Variants in ANAPC7 observed in about 807,000 individuals in gnomAD.
The protein encoded by ANAPC7 is anaphase-promoting complex subunit 7.
In ANAPC7, 25 loss-of-function variants were observed where a neutral mutation model predicts 63.3. The ratio of observed to expected loss-of-function variants is 0.39; its 90% confidence interval spans 0.29 to 0.55. ANAPC7 has a LOEUF of 0.55. Ranked by LOEUF, ANAPC7 falls within the 20% of genes least tolerant of loss-of-function variation. The pLI, the probability that ANAPC7 is intolerant of heterozygous loss-of-function variation, is 0.57. For missense variants in ANAPC7, 516 were observed against 691.7 expected, an observed-to-expected ratio of 0.75 and a Z score of 2.85; for synonymous variants, 241 against 251.7, an observed-to-expected ratio of 0.96 and a Z score of 0.40.
intron 1 of ANAPC7, among the ~76,000 whole-genome samples, chr12:110,397,857 TAC>T: frequency 6.6e-6 from 1 of 151,332 alleles, no homozygotes; most frequent in Non-Finnish European, 1.5e-5. Context: ...ATTGCGCCAC[TAC>T]ACTCCAGCCT....
Position 110,375,981 on chromosome 12 carries a change from G to C in ANAPC7, c.1508+85C>G, listed in dbSNP as rs1881230328. On this transcript the variant is annotated intron_variant, in intron 10 of 10. Transcript: ENST00000455511. ...TTTCAACCATGGACACAAAGTGTGT[G>C]TGTGTTTCCATAACTCCTGTGACAC... 5 of 1,464,338 alleles carry C rather than the reference G, an allele frequency of 3.4e-6. No individual in the cohort carries two copies. The Admixed American group carries it at 1.1e-4, about 32-fold the overall frequency. 90.7% of individuals were successfully genotyped at this position (1,464,338 alleles called of 1,614,324 possible). A position where few individuals can be genotyped will look rare whatever the true frequency, so the allele number is the denominator to read the frequency against.
rs956102600 is a variant in ANAPC7, at chr12:110,373,379, G to C, written c.*765C>G. Reference sequence around the variant, plus strand: ...CACCAGGGGAAGAAAGTCTATTTCTGGCAAATAATTCTGGGGCTGAATCAA... The same window carrying C: ...CACCAGGGGAAGAAAGTCTATTTCTCGCAAATAATTCTGGGGCTGAATCAA... On this transcript the variant is annotated 3_prime_UTR_variant, in exon 11 of 11. Coordinates refer to ENST00000455511, the MANE Select transcript of ANAPC7 (RefSeq NM_016238.3). 3 of 152,136 alleles carry C rather than the reference G, an allele frequency of 2.0e-5. No homozygotes were observed. Among genetic ancestry groups the C allele is most frequent in the Non-Finnish European group, 2.9e-5 (2 of 68,022 alleles). 9.4% of individuals were successfully genotyped at this position (152,136 alleles called of 1,614,324 possible).
chr12:110,393,998 C>G (rs1366906684), intron 3 of ANAPC7, among the ~76,000 whole-genome samples: 2 of 149,800 alleles, frequency 1.3e-5, no homozygotes, highest in African/African-American at 4.9e-5. Context: ...TGGTGAAACA[C>G]CATCTCTACT....
rs1451630882 is a variant in ANAPC7, at chr12:110,388,630, A to C, written c.409-7T>G. On this transcript the variant is annotated splice_polypyrimidine_tract_variant and splice_region_variant and intron_variant, in intron 3 of 10. Transcript: ENST00000455511. ...TTGCCAGCATCATGTTTATCTGTACAAACACAAATAACAGATAGCAAAATA... is the reference window on the plus strand; with the variant it reads ...TTGCCAGCATCATGTTTATCTGTACCAACACAAATAACAGATAGCAAAATA... 3 of 1,596,896 alleles carry C rather than the reference A, an allele frequency of 1.9e-6. No homozygotes were observed. The Admixed American group carries it at 5.1e-5, about 27-fold the overall frequency.
chr12:110,377,854 G>C lies in ANAPC7; in HGVS notation c.1133-237C>G, dbSNP rs562452826. On this transcript the variant is annotated intron_variant, in intron 8 of 10. Coordinates refer to ENST00000455511, the MANE Select transcript of ANAPC7 (RefSeq NM_016238.3). ...TGCCTTCAAAGGCACCTTCAGTTTA[G>C]GGAAGGAAACAAGCACATGTAAGGA... 3.8e-5 allele frequency: 53 copies of C among 1,387,904 alleles called. No homozygotes were observed. The South Asian group carries it at 7.6e-4, about 20-fold the overall frequency. The allele number at this position is 1,387,904 out of a possible 1,614,324, so 86.0% of individuals were successfully genotyped here. A position where few individuals can be genotyped will look rare whatever the true frequency, so the allele number is the denominator to read the frequency against.
At chr12:110,389,266 A>C (rs1882893822) in intron 3 of ANAPC7, among the ~76,000 whole-genome samples, 1 of 152,190 alleles carries the variant, frequency 6.6e-6, no homozygotes, top group South Asian at 2.1e-4. Flanking sequence ...ACGCTAGTTA[A>C]CTTGATTCTT....
At chr12:110,379,801 C>A (rs1488252293) in intron 8 of ANAPC7, among the ~76,000 whole-genome samples, 1 of 152,226 alleles carries the variant, frequency 6.6e-6, no homozygotes, top group Non-Finnish European at 1.5e-5. Flanking sequence ...GGAGGAACTG[C>A]ATCTTGTAAG....
chr12:110,389,926 C>T (rs566878767), intron 3 of ANAPC7, among the ~76,000 whole-genome samples: 2 of 150,474 alleles, frequency 1.3e-5, no homozygotes, highest in South Asian at 2.1e-4. Flanking sequence ...AGCGAGACTC[C>T]GTCTCAAAAA....
At chr12:110,383,875 C>CAAAAAAAAAAAAAAAAAAA (rs1159374781) in intron 6 of ANAPC7, among the ~76,000 whole-genome samples, 35 of 50,632 alleles carry the variant, frequency 6.9e-4, no homozygotes, top group South Asian at 8.6e-4. Flanking sequence ...GACTCCGTCT[C>CAAAAAAAAAAAAAAAAAAA]AAAAAAAAAA....
chr12:110,375,712 G>C, intron 10 of ANAPC7: 1 of 965,622 alleles, frequency 1.0e-6, no homozygotes, highest in Non-Finnish European at 1.2e-6. Flanking sequence ...ACATGGGAAA[G>C]TACTTACAAT....
In ANAPC7 at chr12:110,381,954, GAA is replaced by G. The variant is rs35699984; in HGVS notation, c.936-8_936-7del. 0.085 allele frequency: 81,397 copies of G among 958,654 alleles called. 569 individuals carry two copies. The highest frequency in any genetic ancestry group is 0.15 in the African/African-American group (6,797 of 45,988). 59.4% of individuals were successfully genotyped at this position (958,654 alleles called of 1,614,324 possible). On this transcript the variant is annotated splice_polypyrimidine_tract_variant and splice_region_variant and intron_variant, in intron 7 of 10. Transcript: ENST00000455511. Reference sequence around the variant, plus strand: ...TGCTATAGAAGCTGTGACAGCTGGAGAAAAAAAAAAAAAAAAAAACACAAAAA... The same window carrying G: ...TGCTATAGAAGCTGTGACAGCTGGAGAAAAAAAAAAAAAAAAACACAAAAA...
At chr12:110,374,791 G>T (rs1168139069) in intron 10 of ANAPC7, among the ~76,000 whole-genome samples, 1 of 152,034 alleles carries the variant, frequency 6.6e-6, no homozygotes, top group African/African-American at 2.4e-5. Context: ...AGCATTTCAG[G>T]AGCCAACCAA....
intron 1 of ANAPC7, among the ~76,000 whole-genome samples, chr12:110,396,764 G>A (rs974238185): frequency 2.6e-5 from 4 of 151,408 alleles, no homozygotes; most frequent in African/African-American, 4.9e-5. Flanking sequence ...ATCTACCTGC[G>A]TCGGCCTCCC....
At chr12:110,386,630 T>C (rs935135592) in intron 5 of ANAPC7, 161 bp from the exon 6 acceptor site, 14 of 614,158 alleles carry the variant, frequency 2.3e-5, no homozygotes, top group African/African-American at 1.3e-4. Context: ...AAAAGTTATA[T>C]AGGACAGGAT....
rs1331649262 is a variant in ANAPC7, at chr12:110,382,456, AAAAAAAT to A, written c.935+380_935+386del. ...ATTATCCTTTTAAAAAAAAAAAAAAAAAAAAATATATATATATATATATATATATATA... is the reference window on the plus strand; with the variant it reads ...ATTATCCTTTTAAAAAAAAAAAAAAAATATATATATATATATATATATATA... On this transcript the variant is annotated intron_variant, in intron 7 of 10. Transcript: ENST00000455511. Among the ~76,000 whole-genome samples, 177 of 86,136 alleles carry A rather than the reference AAAAAAAT, an allele frequency of 2.1e-3. 4 individuals carry two copies. The highest frequency in any genetic ancestry group is 0.011 in the East Asian group (46 of 4,098). The allele number at this position is 86,136 out of a possible 152,430, so 56.5% of individuals were successfully genotyped here. A position where few individuals can be genotyped will look rare whatever the true frequency, so the allele number is the denominator to read the frequency against.
chr12:110,387,684 A>C (rs999104309), intron 5 of ANAPC7, 55 bp downstream of exon 5: 10 of 1,559,026 alleles, frequency 6.4e-6, no homozygotes, highest in South Asian at 1.2e-5. Context: ...GATACATCAG[A>C]CTTCCAGACA....
At position 110,381,742 on chromosome 12, in the gene ANAPC7, T is replaced by C. The variant is rs755560278; in HGVS notation, c.1132+10A>G. 6.2e-7 allele frequency: 1 copy of C among 1,612,050 alleles called. No homozygotes were observed. The highest frequency in any genetic ancestry group is 1.7e-5 in the Admixed American group (1 of 59,972). ...GGATTCACACCATTCACCTATGTTTTCTTTCTTACCTTCATAACAATCTAA... is the reference window on the plus strand; with the variant it reads ...GGATTCACACCATTCACCTATGTTTCCTTTCTTACCTTCATAACAATCTAA... On this transcript the variant is annotated intron_variant, in intron 8 of 10. Transcript: ENST00000455511.
rs762957344 is a variant in ANAPC7 at position 110,386,327 on chromosome 12, CTT to C, written c.815_816del (p.Lys272ArgfsTer19). ...QAQMLDPYLI[K>X]GMDVYGYLLA... ...TCTTCCTGCCCCAAGAATTACTTAC[CTT>C]TTATCAGATAAGGATCCAACATCTG... On this transcript the variant is annotated frameshift_variant and splice_region_variant, in exon 6 of 11. Coordinates refer to ENST00000455511, the MANE Select transcript of ANAPC7 (RefSeq NM_016238.3). LOFTEE classifies it high-confidence loss of function. The C allele has an allele frequency of 6.2e-7, 1 of 1,613,884 alleles. No individual in the cohort carries two copies. Among genetic ancestry groups the C allele is most frequent in the Non-Finnish European group, 8.5e-7 (1 of 1,179,986 alleles).
chr12:110,399,866 A>G (rs1468806902), intron 1 of ANAPC7, among the ~76,000 whole-genome samples: 3 of 150,748 alleles, frequency 2.0e-5, no homozygotes, highest in Non-Finnish European at 4.4e-5. Flanking sequence ...GAGGCCAAGG[A>G]GGGAGGATCA....
Sources: allele counts gnomAD v4.1 joint callset (sites outside exome capture counted in the v4.1 genomes callset), GRCh38; gene constraint gnomAD v4.1.1; transcripts MANE v1.5; gene names NCBI Gene and HGNC (gene_info 2026-07-23, HGNC 2026-07-21).